Variants in TRAP1 observed in about 807,000 individuals in gnomAD.
TRAP1 encodes heat shock protein 75 kDa, mitochondrial.
Under a neutral mutation model 89.1 loss-of-function variants are expected in TRAP1, and 102 were observed. The observed-to-expected ratio is 1.15, with a 90% CI of 0.98 to 1.35. The LOEUF is 1.35. Among genes scored for constraint, TRAP1 ranks in the 40% most tolerant of loss-of-function variants. TRAP1 has a pLI of 0.00. For missense variants in TRAP1, 1,256 were observed against 945.3 expected (o/e 1.33, Z -4.31); for synonymous variants, 508 against 388.0 (o/e 1.31, Z -3.64).
intron 1 of TRAP1, among the ~76,000 whole-genome samples, chr16:3,716,930 G>A (rs1342168882): frequency 6.6e-6 from 1 of 152,190 alleles, no homozygotes; most frequent in Admixed American, 6.5e-5. Flanking sequence ...CTGAGCGGGC[G>A]CTCACATGTG....
chr16:3,690,052 G>A (rs556904580), intron 2 of TRAP1, among the ~76,000 whole-genome samples: 34 of 152,144 alleles, frequency 2.2e-4, no homozygotes, highest in Admixed American at 1.9e-3. Flanking sequence ...CTGTTGCCCA[G>A]GCTGCTATGC....
intron 4 of TRAP1, among the ~76,000 whole-genome samples, chr16:3,684,845 G>A (rs1055848163): frequency 6.6e-6 from 1 of 152,234 alleles, no homozygotes; most frequent in East Asian, 1.9e-4. Flanking sequence ...ATCGGCTATT[G>A]AGAATAGAAA....
intron 5 of TRAP1, among the ~76,000 whole-genome samples, chr16:3,679,060 G>C (rs1174927819): frequency 6.6e-6 from 1 of 152,118 alleles, no homozygotes; most frequent in Non-Finnish European, 1.5e-5. Context: ...ACGTGCACCT[G>C]TAGTCACGCC....
chr16:3,693,776 T>C (rs1336532347), intron 1 of TRAP1, among the ~76,000 whole-genome samples: 1 of 152,060 alleles, frequency 6.6e-6, no homozygotes, highest in Admixed American at 6.6e-5. Context: ...GAGAATCGCT[T>C]GAGCCCAGGG....
chr16:3,716,977 C>G (rs1182273513), intron 1 of TRAP1, among the ~76,000 whole-genome samples: 4 of 152,196 alleles, frequency 2.6e-5, no homozygotes, highest in African/African-American at 9.6e-5. Context: ...ACCCTCAGTG[C>G]GCTACTGGGA....
At chr16:3,712,635 T>A (rs1425990750) in intron 1 of TRAP1, among the ~76,000 whole-genome samples, 1 of 152,050 alleles carries the variant, frequency 6.6e-6, no homozygotes, top group Non-Finnish European at 1.5e-5. Context: ...CAAGACAGAG[T>A]CTTGCACTGT....
chr16:3,702,134 A>G (rs978229497), intron 1 of TRAP1, among the ~76,000 whole-genome samples: 1 of 149,394 alleles, frequency 6.7e-6, no homozygotes, highest in Admixed American at 6.6e-5. Flanking sequence ...GGCGGGGGAA[A>G]ATATGAGGCT....
At chr16:3,681,988 G>A (rs928020673) in intron 4 of TRAP1, among the ~76,000 whole-genome samples, 5 of 152,222 alleles carry the variant, frequency 3.3e-5, no homozygotes, top group African/African-American at 4.8e-5. Flanking sequence ...AAGACAGTGC[G>A]ATGTGGGCAT....
intron 1 of TRAP1, among the ~76,000 whole-genome samples, chr16:3,695,934 G>C (rs902340047): frequency 6.6e-6 from 1 of 152,200 alleles, no homozygotes; most frequent in Non-Finnish European, 1.5e-5. Context: ...GGAGGTACAG[G>C]CATCAGTACA....
At chr16:3,675,725 G>A (rs532253712) in intron 7 of TRAP1, among the ~76,000 whole-genome samples, 1 of 152,292 alleles carries the variant, frequency 6.6e-6, no homozygotes, top group South Asian at 2.1e-4. Context: ...ACACAAAGAG[G>A]GAAGGCCACG....
At position 3,715,324 on chromosome 16, in the gene TRAP1, G is replaced by A. The variant is rs1421909501; in HGVS notation, c.88+2097C>T. Reference sequence around the variant, plus strand: ...ATGGTGGTGGGCGCCTAAAGTCCCAGCTACTCGGGAGGCTGAGGCAGGAGA... The same window carrying A: ...ATGGTGGTGGGCGCCTAAAGTCCCAACTACTCGGGAGGCTGAGGCAGGAGA... On this transcript the variant is annotated intron_variant, in intron 1 of 17. Coordinates refer to ENST00000246957, the MANE Select transcript of TRAP1 (RefSeq NM_016292.3). Among the ~76,000 whole-genome samples the A allele has an allele frequency of 2.6e-5, 4 of 152,174 alleles. No individual in the cohort carries two copies. The East Asian group carries it at 5.8e-4, about 22-fold the overall frequency.
chr16:3,701,975 C>T (rs989137558), intron 1 of TRAP1, among the ~76,000 whole-genome samples: 4 of 152,130 alleles, frequency 2.6e-5, no homozygotes, highest in Non-Finnish European at 4.4e-5. Flanking sequence ...CTTTGGGAGG[C>T]CAAGGCAGGT....
rs566631012 is a variant in TRAP1 at position 3,686,536 on chromosome 16, T to C, written c.331-400A>G. 2.0e-3 allele frequency among the ~76,000 whole-genome samples: 308 copies of C among 152,336 alleles called. 1 individual carries two copies. The highest frequency in any genetic ancestry group is 7.1e-3 in the African/African-American group (294 of 41,578). On this transcript the variant is annotated intron_variant, in intron 3 of 17. Coordinates refer to ENST00000246957, the MANE Select transcript of TRAP1 (RefSeq NM_016292.3). ...CTCGCTATGTTGCCCAGGCTGGTCTTGATCTCCCAGGCTCAAGTGATCGTT... is the reference window on the plus strand; with the variant it reads ...CTCGCTATGTTGCCCAGGCTGGTCTCGATCTCCCAGGCTCAAGTGATCGTT...
At chr16:3,710,877 ATATT>A (rs1567248359) in intron 1 of TRAP1, among the ~76,000 whole-genome samples, 3 of 93,604 alleles carry the variant, frequency 3.2e-5, no homozygotes, top group African/African-American at 4.5e-5. Context: ...ATATATATAT[ATATT>A]TTTTTTTTTG....
At chr16:3,677,729 T>G in intron 5 of TRAP1, 71 bp from the exon 6 acceptor site, 2 of 1,543,424 alleles carry the variant, frequency 1.3e-6, no homozygotes, top group Non-Finnish European at 1.7e-6. Context: ...ACCGTGGCTC[T>G]TCTGCGAGCA....
rs146929511 is a variant in TRAP1 at position 3,692,039 on chromosome 16, G to C, written c.89-1054C>G. On this transcript the variant is annotated intron_variant, in intron 1 of 17. Coordinates refer to ENST00000246957, the MANE Select transcript of TRAP1 (RefSeq NM_016292.3). The stretch of plus-strand genomic sequence containing the variant: ...CCAACACCAACACCCACTGACCCCA[G>C]GGACCACATACCAGGACCCTGCCTT... 7.0e-3 allele frequency among the ~76,000 whole-genome samples: 1,061 copies of C among 152,226 alleles called. 16 individuals are homozygous for C. Among genetic ancestry groups the C allele is most frequent in the African/African-American group, 0.024 (1,001 of 41,530 alleles).
chr16:3,674,039 CT>C (rs2050952772), intron 9 of TRAP1, among the ~76,000 whole-genome samples: 1 of 152,234 alleles, frequency 6.6e-6, no homozygotes, highest in African/African-American at 2.4e-5. Flanking sequence ...TGTGTGACCC[CT>C]GAGACAGAGG....
chr16:3,662,247 G>A, intron 15 of TRAP1, 115 bp from the exon 16 acceptor site: 2 of 1,241,116 alleles, frequency 1.6e-6, no homozygotes, highest in Non-Finnish European at 2.2e-6. Flanking sequence ...GGGGTCTCAA[G>A]GACTCCCCTG....
intron 9 of TRAP1, among the ~76,000 whole-genome samples, chr16:3,673,924 C>A (rs2050950994): frequency 6.6e-6 from 1 of 152,130 alleles, no homozygotes; most frequent in Admixed American, 6.5e-5. Flanking sequence ...ATCCACTGAT[C>A]CACAGCAGAT....
Sources: gnomAD v4.1 joint callset for allele counts (sites outside exome capture counted in the v4.1 genomes callset) on GRCh38, gnomAD v4.1.1 for gene constraint, MANE v1.5 for transcripts, NCBI Gene and HGNC (gene_info 2026-07-23, HGNC 2026-07-21) for gene names.